Variants in PDHX observed in about 807,000 individuals in gnomAD.
PDHX encodes the protein pyruvate dehydrogenase protein X component, mitochondrial.
A neutral mutation model predicts 55.3 loss-of-function variants in PDHX; 33 were observed. The ratio of observed to expected loss-of-function variants is 0.60; its 90% CI spans 0.45 to 0.80. The LOEUF is 0.80. PDHX is among the 30% of genes least tolerant of loss of function. The probability of loss-of-function intolerance (pLI) is 0.00; values close to 1 mark genes in which losing one functional copy is unlikely to be tolerated. For missense variants in PDHX, 622 were observed against 619.9 expected (o/e 1.00, Z -0.04); for synonymous variants, 226 against 219.4 (o/e 1.03, Z -0.27).
intron 3 of PDHX, among the ~76,000 whole-genome samples, chr11:34,949,918 A>T (rs145250992): frequency 4.6e-5 from 7 of 152,170 alleles, no homozygotes; most frequent in Non-Finnish European, 1.0e-4. Flanking sequence ...AATTTTTTCT[A>T]AAAAATAGCA....
At chr11:34,960,341 G>GA in intron 4 of PDHX, 79 bp from the exon 5 acceptor site, 1 of 923,970 alleles carries the variant, frequency 1.1e-6, no homozygotes, top group African/African-American at 1.6e-5. Context: ...AATTATTTGC[G>GA]AAACTGTTGA....
chr11:34,922,806 T>C (rs937754621), intron 1 of PDHX, among the ~76,000 whole-genome samples: 1 of 151,928 alleles, frequency 6.6e-6, no homozygotes, highest in African/African-American at 2.4e-5. Flanking sequence ...ACCTTCTTGT[T>C]GTTGTCTTGA....
At chr11:34,954,273 CAG>C (rs1443282732) in intron 3 of PDHX, among the ~76,000 whole-genome samples, 1 of 152,172 alleles carries the variant, frequency 6.6e-6, no homozygotes, top group Non-Finnish European at 1.5e-5. Flanking sequence ...AGAATTAAAA[CAG>C]ACAATATTTA....
At chr11:34,934,790 G>A (rs1389973036) in intron 2 of PDHX, among the ~76,000 whole-genome samples, 2 of 151,496 alleles carry the variant, frequency 1.3e-5, no homozygotes, top group South Asian at 2.1e-4. Flanking sequence ...TGTTGCCCAC[G>A]CTGGTTTTGA....
rs1468658605 is a variant in PDHX at position 34,931,545 on chromosome 11, T to TG, written c.241+61_241+62insG. On this transcript the variant is annotated intron_variant, in intron 2 of 10. Coordinates refer to ENST00000227868, the MANE Select transcript of PDHX (RefSeq NM_003477.3). ...GTTATTTGGTTATTTTGTTTTGTTTTTTTTTTTCCTAATCTGTCCTGTTAT... is the reference window on the plus strand; with the variant it reads ...GTTATTTGGTTATTTTGTTTTGTTTTGTTTTTTTCCTAATCTGTCCTGTTAT... 3.2e-4 allele frequency: 305 copies of TG among 941,214 alleles called. 3 individuals are homozygous for TG. Among genetic ancestry groups the TG allele is most frequent in the Middle Eastern group, 8.4e-4 (4 of 4,752 alleles). 58.3% of individuals were successfully genotyped at this position (941,214 alleles called of 1,614,324 possible). A position where few individuals can be genotyped will look rare whatever the true frequency, so the allele number is the denominator to read the frequency against.
At position 34,934,301 on chromosome 11, in the gene PDHX, A is replaced by G. The variant is rs375789283; in HGVS notation, c.241+2817A>G. On this transcript the variant is annotated intron_variant, in intron 2 of 10. Transcript: ENST00000227868. Reference sequence around the variant, plus strand: ...CAAGCCTGTAGCTCTATCATTTTCCAGGAAATACAGGGGAAAATATAACGT... The same window carrying G: ...CAAGCCTGTAGCTCTATCATTTTCCGGGAAATACAGGGGAAAATATAACGT... Among the ~76,000 whole-genome samples, 9 of 152,326 alleles carry G rather than the reference A, an allele frequency of 5.9e-5. No homozygotes were observed. The East Asian group carries it at 1.7e-3, about 29-fold the overall frequency.
intron 8 of PDHX, among the ~76,000 whole-genome samples, chr11:34,980,668 A>G (rs895555388): frequency 6.6e-6 from 1 of 152,098 alleles, no homozygotes; most frequent in Admixed American, 6.6e-5. Context: ...TCAGCCTTGA[A>G]AGATGGAAAA....
In PDHX at chr11:34,992,329, A is replaced by G. The variant is rs764597215; in HGVS notation, c.1197A>G (p.Lys399=). The change falls in exon 10 of 11, where the codon AAA becomes AAG. Residue 399 remains lysine (K), a synonymous_variant. Coordinates refer to ENST00000227868, the MANE Select transcript of PDHX (RefSeq NM_003477.3). ...IADSVKALSK[K]ARDGKLLPEE... The stretch of plus-strand genomic sequence containing the variant: ...ATTTTTCTCAGGCTCTATCAAAGAA[A>G]GCAAGAGATGGAAAATTGTTGCCTG... 3.1e-6 allele frequency: 5 copies of G among 1,601,620 alleles called. No homozygotes were observed. The highest frequency in any genetic ancestry group is 2.7e-5 in the African/African-American group (2 of 74,696).
At chr11:34,974,494 G>A (rs1038047798) in intron 7 of PDHX, among the ~76,000 whole-genome samples, 11 of 152,122 alleles carry the variant, frequency 7.2e-5, no homozygotes, top group Admixed American at 2.0e-4. Context: ...ATATCTCTTT[G>A]TGTCTCTGTT....
intron 1 of PDHX, among the ~76,000 whole-genome samples, chr11:34,918,958 G>C (rs1853809179): frequency 6.6e-6 from 1 of 152,078 alleles, no homozygotes; most frequent in South Asian, 2.1e-4. Context: ...TGATTACATT[G>C]GGCTCATCTG....
At chr11:34,950,533 A>T (rs1280056178) in intron 3 of PDHX, among the ~76,000 whole-genome samples, 3 of 78,810 alleles carry the variant, frequency 3.8e-5, no homozygotes, top group African/African-American at 1.5e-4. Context: ...CCTTCCCCCC[A>T]CCCCACAACA....
At chr11:34,921,222 A>G (rs144363374) in intron 1 of PDHX, among the ~76,000 whole-genome samples, 7 of 152,142 alleles carry the variant, frequency 4.6e-5, no homozygotes, top group Middle Eastern at 3.4e-3. Context: ...TATTCCATCT[A>G]TTTCTTCTAG....
At chr11:34,989,590 C>T (rs1292475713) in intron 9 of PDHX, among the ~76,000 whole-genome samples, 2 of 152,146 alleles carry the variant, frequency 1.3e-5, no homozygotes, top group African/African-American at 4.8e-5. Context: ...AGGTTGAGCT[C>T]TGGATTCTCA....
intron 2 of PDHX, among the ~76,000 whole-genome samples, chr11:34,947,029 T>C (rs1481438851): frequency 6.6e-6 from 1 of 152,244 alleles, no homozygotes; most frequent in African/African-American, 2.4e-5. Flanking sequence ...TTATGCTTTA[T>C]ATGCTTTATT....
intron 5 of PDHX, 26 bp from the exon 6 acceptor site, chr11:34,966,614 G>T (rs1308482761): frequency 2.5e-6 from 4 of 1,610,670 alleles, no homozygotes; most frequent in Middle Eastern, 1.7e-4. Flanking sequence ...GCTAATTATG[G>T]TTATCTACTT....
chr11:34,927,151 G>A (rs1158493331), intron 1 of PDHX, among the ~76,000 whole-genome samples: 1 of 151,968 alleles, frequency 6.6e-6, no homozygotes, highest in Non-Finnish European at 1.5e-5. Flanking sequence ...GCTGTGGAAG[G>A]GTAGACTTCA....
chr11:34,950,929 T>C (rs373421847), intron 3 of PDHX, among the ~76,000 whole-genome samples: 7,910 of 150,354 alleles, frequency 0.053, 301 homozygotes, highest in African/African-American at 0.11. Context: ...TTTCTAGTTC[T>C]AGATCCCTGA....
At chr11:34,938,384 C>G (rs758558186) in intron 2 of PDHX, among the ~76,000 whole-genome samples, 1 of 152,120 alleles carries the variant, frequency 6.6e-6, no homozygotes, top group Non-Finnish European at 1.5e-5. Context: ...AGCCAGTACC[C>G]CATTGGAAAG....
intron 2 of PDHX, among the ~76,000 whole-genome samples, chr11:34,942,905 T>C (rs1315144666): frequency 2.6e-5 from 4 of 152,142 alleles, no homozygotes; most frequent in South Asian, 4.1e-4. Context: ...GTCTGTGTTA[T>C]GTGAATAGAT....
Sources: gnomAD v4.1 joint callset for allele counts (sites outside exome capture counted in the v4.1 genomes callset) on GRCh38, gnomAD v4.1.1 for gene constraint, MANE v1.5 for transcripts, NCBI Gene and HGNC (gene_info 2026-07-23, HGNC 2026-07-21) for gene names.